The following KALRN variants were observed in gnomAD, a reference collection of about 807,000 sequenced individuals.
The protein encoded by KALRN is kalirin RhoGEF kinase.
Under a neutral mutation model 353.7 loss-of-function variants are expected in KALRN, and 70 were observed. The observed-to-expected ratio is 0.20, with a 90% confidence interval of 0.16 to 0.24. The LOEUF (loss-of-function observed/expected upper bound fraction) is 0.24. Among genes scored for constraint, KALRN ranks in the 10% least tolerant of loss-of-function variants. The probability of loss-of-function intolerance (pLI) is 1.00; values close to 1 mark genes in which losing one functional copy is unlikely to be tolerated. For synonymous variants in KALRN, 1,391 were observed against 1,434.8 expected (o/e 0.97, Z 0.69); for missense variants, 2,791 against 3,756.7 (o/e 0.74, Z 6.72).
chr3:124,288,138 G>T (rs2076118051), intron 5 of KALRN, among the ~76,000 whole-genome samples: 1 of 152,120 alleles, frequency 6.6e-6, no homozygotes, highest in Non-Finnish European at 1.5e-5. Flanking sequence ...GCCTCCCAAA[G>T]TGCTGGGATT....
At chr3:124,211,274 G>A (rs773169001) in intron 1 of KALRN, among the ~76,000 whole-genome samples, 2 of 152,172 alleles carry the variant, frequency 1.3e-5, no homozygotes, top group Non-Finnish European at 2.9e-5. Context: ...AAAAACTAAG[G>A]AATAGTGATG....
chr3:124,255,931 T>C (rs2071904600), intron 3 of KALRN, among the ~76,000 whole-genome samples: 1 of 152,152 alleles, frequency 6.6e-6, no homozygotes, highest in Admixed American at 6.5e-5. Context: ...AAGAGAGGCA[T>C]GGATAATGTG....
At chr3:124,669,894 T>C (rs1226469359) in intron 47 of KALRN, among the ~76,000 whole-genome samples, 1 of 151,724 alleles carries the variant, frequency 6.6e-6, no homozygotes, top group Non-Finnish European at 1.5e-5. Flanking sequence ...GTTTATGGAA[T>C]GACAAGAAAA....
chr3:124,420,411 G>T (rs897836221), intron 14 of KALRN, among the ~76,000 whole-genome samples: 1 of 152,266 alleles, frequency 6.6e-6, no homozygotes, highest in South Asian at 2.1e-4. Context: ...GAGAAAGAGC[G>T]TCTGCTTCTG....
chr3:124,268,502 G>C (rs562138883), intron 4 of KALRN: 2 of 542,628 alleles, frequency 3.7e-6, no homozygotes, highest in Admixed American at 6.2e-5. Context: ...CAGTTCTTCT[G>C]GGGTGGTAAA....
In KALRN at chr3:124,297,083, TACTC is replaced by T. The variant is rs542226901; in HGVS notation, c.970-1706_970-1703del. On this transcript the variant is annotated intron_variant, in intron 5 of 59. Transcript: ENST00000682506. ...TCCACATTAGCCTTTAAGCCACTAATACTCAAGAACCATATTTTAGTCATTTTTG... is the reference window on the plus strand; with the variant it reads ...TCCACATTAGCCTTTAAGCCACTAATAAGAACCATATTTTAGTCATTTTTG... 2.2e-3 allele frequency among the ~76,000 whole-genome samples: 329 copies of T among 152,382 alleles called. 1 individual carries two copies. The highest frequency in any genetic ancestry group is 7.4e-3 in the African/African-American group (306 of 41,592).
At chr3:124,595,417 C>G (rs1174528441) in intron 34 of KALRN, among the ~76,000 whole-genome samples, 1 of 152,146 alleles carries the variant, frequency 6.6e-6, no homozygotes, top group Non-Finnish European at 1.5e-5. Context: ...TTACCAGACA[C>G]CATGAATTGG....
chr3:124,175,420 C>T (rs1179869754), intron 1 of KALRN, among the ~76,000 whole-genome samples: 10 of 139,008 alleles, frequency 7.2e-5, no homozygotes, highest in Admixed American at 2.2e-4. Context: ...TGCGGAGATG[C>T]GCGCTGCCGA....
At chr3:124,625,126 A>G (rs1326930050) in intron 34 of KALRN, among the ~76,000 whole-genome samples, 1 of 152,182 alleles carries the variant, frequency 6.6e-6, no homozygotes, top group Non-Finnish European at 1.5e-5. Context: ...CTTTTCAAAT[A>G]TTAACTTCTT....
At chr3:124,317,299 G>A (rs2078901304) in intron 6 of KALRN, among the ~76,000 whole-genome samples, 1 of 152,200 alleles carries the variant, frequency 6.6e-6, no homozygotes, top group Admixed American at 6.5e-5. Context: ...GGTGCTAACT[G>A]TAGCTCTGTA....
intron 3 of KALRN, among the ~76,000 whole-genome samples, chr3:124,242,452 A>T (rs1206080577): frequency 2.0e-5 from 3 of 152,178 alleles, no homozygotes; most frequent in African/African-American, 7.2e-5. Flanking sequence ...TCCAGTGAAG[A>T]GATGAGGAGG....
intron 1 of KALRN, chr3:124,096,444 G>A (rs1361650116): frequency 6.6e-6 from 1 of 152,166 alleles, no homozygotes; most frequent in Admixed American, 6.5e-5. Flanking sequence ...ACTAAGAAAA[G>A]TCCAATTAAG....
intron 1 of KALRN, among the ~76,000 whole-genome samples, chr3:124,190,083 C>G (rs1412651825): frequency 1.3e-5 from 2 of 152,038 alleles, no homozygotes; most frequent in African/African-American, 4.8e-5. Context: ...GGAAATGAGA[C>G]TAATTAGAAG....
At chr3:124,038,556 A>G (rs550245972) in intron 1 of KALRN, among the ~76,000 whole-genome samples, 1 of 152,200 alleles carries the variant, frequency 6.6e-6, no homozygotes, top group Non-Finnish European at 1.5e-5. Context: ...AACAAAAGTA[A>G]GAGTTTAGCT....
chr3:124,321,646 G>A (rs540085061), intron 6 of KALRN, among the ~76,000 whole-genome samples: 2 of 152,314 alleles, frequency 1.3e-5, no homozygotes, highest in African/African-American at 2.4e-5. Context: ...CTCCAGTTAA[G>A]GACTGCAGGA....
chr3:124,602,833 G>A (rs1003454971), intron 34 of KALRN, among the ~76,000 whole-genome samples: 5 of 152,196 alleles, frequency 3.3e-5, no homozygotes, highest in Admixed American at 3.3e-4. Flanking sequence ...TGACAAAGCT[G>A]AGGCTTAGAG....
At chr3:124,643,633 C>T (rs980713326) in intron 37 of KALRN, among the ~76,000 whole-genome samples, 2 of 152,102 alleles carry the variant, frequency 1.3e-5, no homozygotes, top group Non-Finnish European at 2.9e-5. Flanking sequence ...GGGCATGTGT[C>T]GCCATGCCTG....
chr3:124,664,370 T>TGTGTGTGTGCGCGCGCGC (rs370394911), intron 45 of KALRN, among the ~76,000 whole-genome samples: 2 of 129,534 alleles, frequency 1.5e-5, no homozygotes, highest in East Asian at 2.3e-4. Flanking sequence ...TGTGTGTGTG[T>TGTGTGTGTGCGCGCGCGC]GCGCGCGCGC....
In KALRN at chr3:124,366,411, C is replaced by G. The variant is rs369719327; in HGVS notation, c.1771-18434C>G. Among the ~76,000 whole-genome samples the G allele has an allele frequency of 7.4e-5, 11 of 149,184 alleles. No individual in the cohort carries two copies. In the East Asian group the frequency reaches 1.2e-3, roughly 16 times the overall value. Reference sequence around the variant, plus strand: ...ATTAGGGATTGGTGATGACTCTTAACGAGCATGCTGCTTTCAAGCATCTGT... The same window carrying G: ...ATTAGGGATTGGTGATGACTCTTAAGGAGCATGCTGCTTTCAAGCATCTGT... On this transcript the variant is annotated intron_variant, in intron 10 of 59. Coordinates refer to ENST00000682506, the MANE Select transcript of KALRN (RefSeq NM_001388419.1).
Sources: gnomAD v4.1 joint callset for allele counts (sites outside exome capture counted in the v4.1 genomes callset) on GRCh38, gnomAD v4.1.1 for gene constraint, MANE v1.5 for transcripts, NCBI Gene and HGNC (gene_info 2026-07-23, HGNC 2026-07-21) for gene names.